CRB1: variants seen among roughly 807,000 people sequenced by gnomAD.
The protein encoded by CRB1 is protein crumbs homolog 1.
CRB1 carries 83 observed loss-of-function variants against 120.0 expected under a neutral mutation model. The ratio of observed to expected loss-of-function variants is 0.69; its 90% CI spans 0.58 to 0.83. The LOEUF (loss-of-function observed/expected upper bound fraction) is 0.83. Among genes scored for constraint, CRB1 ranks in the 40% least tolerant of loss-of-function variants. The pLI is 0.00. For missense variants in CRB1, 1,699 were observed against 1,687.6 expected (o/e 1.01, Z -0.12); for synonymous variants, 625 against 612.5 (o/e 1.02, Z -0.30).
chr1:197,452,409 G>A (rs1375158132), intron 11 of CRB1, among the ~76,000 whole-genome samples: 1 of 152,172 alleles, frequency 6.6e-6, no homozygotes, highest in Non-Finnish European at 1.5e-5. Flanking sequence ...GAAATATGAT[G>A]ACGAATATCA....
intron 5 of CRB1, among the ~76,000 whole-genome samples, chr1:197,420,065 C>T (rs1279651891): frequency 6.6e-6 from 1 of 151,148 alleles, no homozygotes; most frequent in Admixed American, 6.6e-5. Flanking sequence ...AGACTTCACT[C>T]TTTCTACACC....
the CRB1 span, among the ~76,000 whole-genome samples, chr1:197,228,653 A>C: frequency 3.3e-5 from 5 of 151,956 alleles, no homozygotes; most frequent in Admixed American, 2.6e-4. Context: ...AACTGTTCCA[A>C]CCTCTGCCTG....
chr1:197,310,593 T>C (rs1419019948), intron 1 of CRB1, among the ~76,000 whole-genome samples: 1 of 152,166 alleles, frequency 6.6e-6, no homozygotes, highest in African/African-American at 2.4e-5. Context: ...TTTAGAGTTC[T>C]ATCAAAAAAC....
chr1:197,398,664 C>T (rs1465194808), intron 5 of CRB1, among the ~76,000 whole-genome samples: 6 of 151,804 alleles, frequency 4.0e-5, no homozygotes, highest in Non-Finnish European at 7.4e-5. Context: ...GGCAAGTCAG[C>T]GAACATAAGA....
At position 197,478,234 on chromosome 1, in the gene CRB1, C is replaced by T. The variant is rs550108870; in HGVS notation, c.*355C>T. On this transcript the variant is annotated 3_prime_UTR_variant, in exon 12 of 12. Transcript: ENST00000367400. ...TTAGTTTTCATTTTAGGTTTCTGTA[C>T]TTTCTGTAGTTTCTGTGTAAACTGC... The T allele has an allele frequency of 6.3e-6, 2 of 317,438 alleles. No individual in the cohort carries two copies. Among genetic ancestry groups the T allele is most frequent in the South Asian group, 5.9e-5 (2 of 34,092 alleles). The allele number at this position is 317,438 out of a possible 1,614,324, so 19.7% of individuals were successfully genotyped here. A position where few individuals can be genotyped will look rare whatever the true frequency, so the allele number is the denominator to read the frequency against.
At chr1:197,341,418 C>G (rs1659452537) in intron 2 of CRB1, among the ~76,000 whole-genome samples, 1 of 152,072 alleles carries the variant, frequency 6.6e-6, no homozygotes, top group Non-Finnish European at 1.5e-5. Flanking sequence ...TGGCATGCGC[C>G]TGTAGTCTCA....
At chr1:197,242,386 AG>A in the CRB1 span, among the ~76,000 whole-genome samples, 6 of 152,122 alleles carry the variant, frequency 3.9e-5, no homozygotes, top group South Asian at 2.1e-4. Context: ...TTTAGCATGA[AG>A]GGGTGTTTAA....
intron 1 of CRB1, among the ~76,000 whole-genome samples, chr1:197,319,258 C>CAAAAAAAAAAAA (rs1338233936): frequency 5.0e-5 from 1 of 20,136 alleles, no homozygotes; most frequent in Non-Finnish European, 1.1e-4. Context: ...CCTGTCTCTA[C>CAAAAAAAAAAAA]TAAAAAAAAA....
intron 5 of CRB1, among the ~76,000 whole-genome samples, chr1:197,399,943 A>T (rs550731936): frequency 6.6e-6 from 1 of 152,264 alleles, no homozygotes; most frequent in African/African-American, 2.4e-5. Context: ...CACTGAAGTG[A>T]TATCTCACGA....
intron 11 of CRB1, among the ~76,000 whole-genome samples, chr1:197,475,417 G>A (rs1156313618): frequency 6.6e-6 from 1 of 152,098 alleles, no homozygotes; most frequent in Non-Finnish European, 1.5e-5. Context: ...CTGACATGGG[G>A]TGATGCTGAA....
At chr1:197,330,424 G>A (rs1240775649) in intron 2 of CRB1, among the ~76,000 whole-genome samples, 1 of 152,146 alleles carries the variant, frequency 6.6e-6, no homozygotes, top group Non-Finnish European at 1.5e-5. Context: ...ACTACACAGA[G>A]AATAATTTTA....
chr1:197,327,091 CAAAAAAAAAAAAAAAAAAAAAA>C (rs71131753), intron 1 of CRB1, among the ~76,000 whole-genome samples: 10 of 25,708 alleles, frequency 3.9e-4, no homozygotes, highest in East Asian at 1.4e-3. Flanking sequence ...TCTCACACAC[CAAAAAAAAAAAAAAAAAAAAAA>C]AAAAAAAAAA....
intron 1 of CRB1, among the ~76,000 whole-genome samples, chr1:197,270,066 A>T (rs1416026750): frequency 6.6e-6 from 1 of 152,122 alleles, no homozygotes; most frequent in Non-Finnish European, 1.5e-5. Flanking sequence ...CGTAGTTTAG[A>T]CCTTGTTAGC....
chr1:197,260,448 T>G, the CRB1 span, among the ~76,000 whole-genome samples: 43 of 151,982 alleles, frequency 2.8e-4, no homozygotes, highest in African/African-American at 9.4e-4. Context: ...ATATATGTAT[T>G]TTAATTTTTT....
intron 8 of CRB1, among the ~76,000 whole-genome samples, chr1:197,434,206 C>G (rs1341414604): frequency 6.6e-6 from 1 of 152,054 alleles, no homozygotes; most frequent in Non-Finnish European, 1.5e-5. Flanking sequence ...TTTTAACTGC[C>G]TACTCATCAG....
At chr1:197,394,008 C>T (rs909847085) in intron 5 of CRB1, among the ~76,000 whole-genome samples, 12 of 152,110 alleles carry the variant, frequency 7.9e-5, no homozygotes, top group Admixed American at 2.0e-4. Context: ...AAATTTATAG[C>T]GGTTTGGGTG....
intron 5 of CRB1, among the ~76,000 whole-genome samples, chr1:197,405,223 G>A (rs1157584084): frequency 6.6e-6 from 1 of 152,158 alleles, no homozygotes; most frequent in Non-Finnish European, 1.5e-5. Context: ...TTGCAGGCGC[G>A]CGCCGCCACG....
chr1:197,369,001 G>A (rs1413339579), intron 5 of CRB1, among the ~76,000 whole-genome samples: 4 of 152,090 alleles, frequency 2.6e-5, no homozygotes, highest in African/African-American at 4.8e-5. Context: ...ATAGCCAAAC[G>A]TTTGTTAGAG....
the CRB1 span, among the ~76,000 whole-genome samples, chr1:197,236,711 A>G: frequency 6.6e-6 from 1 of 152,086 alleles, no homozygotes; most frequent in South Asian, 2.1e-4. Flanking sequence ...CTGTTTTTCT[A>G]AGAATTTCTG....
Sources: gnomAD v4.1 joint callset for allele counts (sites outside exome capture counted in the v4.1 genomes callset) on GRCh38, gnomAD v4.1.1 for gene constraint, MANE v1.5 for transcripts, NCBI Gene and HGNC (gene_info 2026-07-23, HGNC 2026-07-21) for gene names.